The following SARDH variants were observed in gnomAD, a reference collection of about 807,000 sequenced individuals.
SARDH encodes the protein sarcosine dehydrogenase, mitochondrial.
In SARDH, 95 loss-of-function variants were observed where a neutral mutation model predicts 109.1. The observed-to-expected ratio is 0.87, with a 90% CI of 0.74 to 1.03. The LOEUF is 1.03. SARDH is among the 50% of genes least tolerant of loss of function. The pLI, the probability that SARDH is intolerant of heterozygous loss-of-function variation, is 0.00. For missense variants in SARDH, 1,267 were observed against 1,287.8 expected, an observed-to-expected ratio of 0.98 and a Z score of 0.25; for synonymous variants, 572 against 534.8, an observed-to-expected ratio of 1.07 and a Z score of -0.96.
intron 17 of SARDH, 81 bp from the exon 18 acceptor site, chr9:133,671,778 G>C (rs914524709): frequency 6.9e-7 from 1 of 1,451,610 alleles, no homozygotes; most frequent in Non-Finnish European, 9.2e-7. Flanking sequence ...CCTGGTGGCA[G>C]CTCCTACTGT....
At chr9:133,736,393 GT>G (rs1251641613) in intron 1 of SARDH, among the ~76,000 whole-genome samples, 1 of 147,950 alleles carries the variant, frequency 6.8e-6, no homozygotes, top group Non-Finnish European at 1.5e-5. Context: ...TGTTGTTGTT[GT>G]TTGTTTGTTT....
At chr9:133,687,874 T>C (rs1830940405) in intron 16 of SARDH, among the ~76,000 whole-genome samples, 1 of 152,226 alleles carries the variant, frequency 6.6e-6, no homozygotes, top group East Asian at 1.9e-4. Flanking sequence ...TTTTGAAAGA[T>C]AGAGGACATT....
intron 8 of SARDH, 105 bp downstream of exon 8, chr9:133,717,221 G>T (rs890903790): frequency 2.3e-5 from 33 of 1,426,914 alleles, no homozygotes; most frequent in Non-Finnish European, 3.2e-5. Flanking sequence ...GGACAGCCCT[G>T]GGTCCCCTGT....
rs1832239506 is a variant in SARDH, at chr9:133,719,306, AGAGCAAGG to A, written c.916-272_916-265del. 2.6e-5 allele frequency among the ~76,000 whole-genome samples: 4 copies of A among 152,334 alleles called. No homozygotes were observed. The South Asian group carries it at 8.3e-4, about 32-fold the overall frequency. Reference sequence around the variant, plus strand: ...AGGAAGAAGGAATGGATCGAGGAAGAGAGCAAGGGAGGAAGGGAGGGAAGCAAAACATA... The same window carrying A: ...AGGAAGAAGGAATGGATCGAGGAAGAGAGGAAGGGAGGGAAGCAAAACATA... On this transcript the variant is annotated intron_variant, in intron 6 of 20. Transcript: ENST00000439388.
At chr9:133,714,282 G>A (rs1450216067) in intron 8 of SARDH, among the ~76,000 whole-genome samples, 1 of 152,212 alleles carries the variant, frequency 6.6e-6, no homozygotes, top group Non-Finnish European at 1.5e-5. Context: ...GGGGAGCCTG[G>A]GCTAAGAGCC....
intron 6 of SARDH, among the ~76,000 whole-genome samples, chr9:133,719,553 C>T (rs1832249226): frequency 6.6e-6 from 1 of 152,116 alleles, no homozygotes; most frequent in Non-Finnish European, 1.5e-5. Flanking sequence ...GATGCGCTTG[C>T]TCATGTATGG....
intron 6 of SARDH, 49 bp from the exon 7 acceptor site, chr9:133,719,091 A>AACCAAGTCCCCAC: frequency 1.3e-6 from 2 of 1,535,444 alleles, no homozygotes; most frequent in Non-Finnish European, 9.0e-7. Context: ...CTGGGTGGGG[A>AACCAAGTCCCCAC]CTTGGTTCCC....
intron 4 of SARDH, among the ~76,000 whole-genome samples, chr9:133,730,963 C>T (rs1454916199): frequency 1.3e-5 from 2 of 152,138 alleles, no homozygotes; most frequent in African/African-American, 2.4e-5. Context: ...GGCGACAGAG[C>T]GAGATACTGT....
Position 133,718,046 on chromosome 9 carries a change from A to C in SARDH, c.1021-591T>G, listed in dbSNP as rs559721932. ...TGCTAATTTTATTCAGTGCGCGATC[A>C]TCTTCCAGAATTTCATTCCTTGTTC... On this transcript the variant is annotated intron_variant, in intron 7 of 20. Transcript: ENST00000439388. This position sits in a 1 kb window ranked among gnomAD's most constrained non-coding sequence, Gnocchi z 4.2. Among the ~76,000 whole-genome samples, 1 of 152,168 alleles carries C rather than the reference A, an allele frequency of 6.6e-6. No homozygotes were observed. Among genetic ancestry groups the C allele is most frequent in the African/African-American group, 2.4e-5 (1 of 41,444 alleles).
rs546800599 is a variant in SARDH, at chr9:133,704,162, G to C, written c.1554+786C>G. ...TGCAAGGCTCTGACCCCAGAGCCGT[G>C]GCCCCGTTAGCCAGCTCTGGCTCTC... On this transcript the variant is annotated intron_variant, in intron 12 of 20. Coordinates refer to ENST00000439388, the MANE Select transcript of SARDH (RefSeq NM_001134707.2). This position sits in a 1 kb window ranked among gnomAD's most constrained non-coding sequence, Gnocchi z 4.5. Among the ~76,000 whole-genome samples the C allele has an allele frequency of 3.0e-3, 464 of 152,226 alleles. 2 individuals are homozygous for C. The highest frequency in any genetic ancestry group is 0.011 in the African/African-American group (437 of 41,540).
At chr9:133,707,732 C>T (rs1040954937) in intron 11 of SARDH, among the ~76,000 whole-genome samples, 2 of 152,040 alleles carry the variant, frequency 1.3e-5, no homozygotes, top group African/African-American at 2.4e-5. Flanking sequence ...GGAATGGAGA[C>T]GGGGCTGGGA....
downstream of SARDH, among the ~76,000 whole-genome samples, chr9:133,659,988 C>T (rs1832391580): frequency 6.6e-6 from 1 of 152,168 alleles, no homozygotes; most frequent in Non-Finnish European, 1.5e-5. Flanking sequence ...AGTACCTCAC[C>T]TGGGGCCCAA....
At chr9:133,685,418 T>C in intron 16 of SARDH, 132 bp from the exon 17 acceptor site, 1 of 637,730 alleles carries the variant, frequency 1.6e-6, no homozygotes. Flanking sequence ...AAACATGGAT[T>C]AATAAAAATA....
chr9:133,682,266 A>G (rs1830723910), intron 17 of SARDH, among the ~76,000 whole-genome samples: 1 of 152,212 alleles, frequency 6.6e-6, no homozygotes, highest in Non-Finnish European at 1.5e-5. Context: ...GGAACGTTCA[A>G]AGGAACAGGG....
intron 17 of SARDH, among the ~76,000 whole-genome samples, chr9:133,682,567 G>T (rs1830732852): frequency 6.6e-6 from 1 of 152,248 alleles, no homozygotes; most frequent in Non-Finnish European, 1.5e-5. Context: ...CAGCATCCTT[G>T]TTCTGAGGGG....
At chr9:133,665,616 C>T (rs1830035296) in intron 20 of SARDH, among the ~76,000 whole-genome samples, 1 of 152,188 alleles carries the variant, frequency 6.6e-6, no homozygotes, top group African/African-American at 2.4e-5. Flanking sequence ...AAGTGTGTCC[C>T]CAGCCTCCCA....
Position 133,730,115 on chromosome 9 carries a change from C to T in SARDH, c.763G>A (p.Val255Met), listed in dbSNP as rs749045238. 3.1e-6 allele frequency: 5 copies of T among 1,614,112 alleles called. No homozygotes were observed. Among genetic ancestry groups the T allele is most frequent in the Non-Finnish European group, 4.2e-6 (5 of 1,180,052 alleles). ...DDFGVRRVAGVETQHGSIQTP... is the reference protein window; with the variant it reads ...DDFGVRRVAGMETQHGSIQTP... ...TGGATGGAACCATGCTGAGTCTCCA[C>T]ACCCGCGACCCGCCGCACCCCAAAA... The change falls in exon 5 of 21, where the codon GTG (valine) becomes ATG (methionine). Residue 255 changes from valine to methionine, a missense_variant. Val to Met is a conservative substitution (Grantham distance 21, BLOSUM62 1). Transcript: ENST00000439388.
chr9:133,664,190 G>A (rs939873744), intron 20 of SARDH, among the ~76,000 whole-genome samples, 176 bp from the exon 21 acceptor site: 8 of 152,218 alleles, frequency 5.3e-5, no homozygotes, highest in South Asian at 2.1e-4. Flanking sequence ...GGTGCAGTTC[G>A]TGTCCATGTG....
At chr9:133,688,440 T>C (rs946391019) in intron 16 of SARDH, among the ~76,000 whole-genome samples, 3 of 149,812 alleles carry the variant, frequency 2.0e-5, no homozygotes, top group Non-Finnish European at 3.0e-5. Context: ...GTGAGCCGCA[T>C]GGACTCAGCT....
Sources: gnomAD v4.1 joint callset for allele counts (sites outside exome capture counted in the v4.1 genomes callset) on GRCh38, gnomAD v4.1.1 for gene constraint, Gnocchi (gnomAD v3.1) non-coding constraint, MANE v1.5 for transcripts, NCBI Gene and HGNC (gene_info 2026-07-23, HGNC 2026-07-21) for gene names.